The following RBFOX1 variants were observed in gnomAD, a reference collection of about 807,000 sequenced individuals.
RBFOX1 encodes the protein RNA binding fox-1 homolog 1, also known as RNA binding protein fox-1 homolog 1.
In RBFOX1, 8 loss-of-function variants were observed where a neutral mutation model predicts 57.7. The ratio of observed to expected loss-of-function variants is 0.14; its 90% CI spans 0.08 to 0.25. The LOEUF is 0.25. RBFOX1 is among the 10% of genes least tolerant of loss of function. The pLI, the probability that RBFOX1 is intolerant of heterozygous loss-of-function variation, is 1.00. For missense variants in RBFOX1, 611 were observed against 548.5 expected, an observed-to-expected ratio of 1.11 and a Z score of -1.14; for synonymous variants, 326 against 222.4, an observed-to-expected ratio of 1.47 and a Z score of -4.15.
intron 1 of RBFOX1, among the ~76,000 whole-genome samples, chr16:6,217,046 T>G (rs1208319005): frequency 6.6e-6 from 1 of 152,172 alleles, no homozygotes; most frequent in Non-Finnish European, 1.5e-5. Flanking sequence ...AGGTAACCTG[T>G]TCTGACATAT....
In RBFOX1 at chr16:5,316,769, A is replaced by G. The variant is rs373569402; in HGVS notation, c.219+76664A>G. On this transcript the variant is annotated intron_variant, in intron 1 of 2. Coordinates refer to the RBFOX1 transcript ENST00000585867. ...CTCTCTTCTGCTGAAAGGGAAACCC[A>G]GGTGGTTTGGCATTCACTTAGGATA... is the stretch of plus-strand genomic sequence containing the variant. 6.0e-4 allele frequency among the ~76,000 whole-genome samples: 91 copies of G among 152,356 alleles called. 2 individuals are homozygous for G. In the South Asian group the frequency reaches 6.4e-3, roughly 11 times the overall value.
chr16:6,100,609 A>G (rs887798906), intron 1 of RBFOX1, among the ~76,000 whole-genome samples: 8 of 152,332 alleles, frequency 5.3e-5, no homozygotes, highest in African/African-American at 1.9e-4. Context: ...TTGTCACATA[A>G]TAACGAATAT....
chr16:5,896,446 T>G (rs1269786176), intron 4 of RBFOX1, among the ~76,000 whole-genome samples: 2 of 142,112 alleles, frequency 1.4e-5, no homozygotes, highest in African/African-American at 2.5e-5. Flanking sequence ...GCGCTCCCCC[T>G]GTTTTGCTTC....
intron 3 of RBFOX1, among the ~76,000 whole-genome samples, chr16:6,849,829 T>A (rs1175957297): frequency 6.6e-6 from 1 of 152,170 alleles, no homozygotes; most frequent in Non-Finnish European, 1.5e-5. Flanking sequence ...TCTCCCTCTT[T>A]TCTTTGTCCG....
intron 1 of RBFOX1, chr16:6,093,026 C>T (rs1169689177): frequency 6.6e-6 from 1 of 152,136 alleles, no homozygotes; most frequent in Non-Finnish European, 1.5e-5. Context: ...TGCAATTTAC[C>T]TGTATGACAA....
chr16:6,495,604 C>G (rs1294319948), intron 2 of RBFOX1, among the ~76,000 whole-genome samples: 2 of 152,214 alleles, frequency 1.3e-5, no homozygotes, highest in African/African-American at 4.8e-5. Flanking sequence ...TTCATCAGCC[C>G]TTAGCTCACA....
intron 1 of RBFOX1, among the ~76,000 whole-genome samples, chr16:6,201,683 A>G (rs995955830): frequency 3.3e-5 from 5 of 152,212 alleles, no homozygotes; most frequent in African/African-American, 1.2e-4. Context: ...GAATGTTCCT[A>G]ACACAAAGAA....
intron 3 of RBFOX1, among the ~76,000 whole-genome samples, chr16:6,768,529 A>G (rs150412804): frequency 1.4e-3 from 208 of 152,114 alleles, no homozygotes; most frequent in African/African-American, 4.8e-3. Flanking sequence ...TCTATTTTCT[A>G]TACATTGACA....
chr16:6,057,698 G>C (rs530828744), intron 1 of RBFOX1, among the ~76,000 whole-genome samples: 1 of 152,112 alleles, frequency 6.6e-6, no homozygotes, highest in Non-Finnish European at 1.5e-5. Context: ...AATGCTTGAA[G>C]ATGTTGGTGT....
At position 7,416,410 on chromosome 16, in the gene RBFOX1, T is replaced by C. The variant is rs188632597; in HGVS notation, c.28-101737T>C. On this transcript the variant is annotated intron_variant, in intron 4 of 15. Transcript: ENST00000550418. Reference sequence around the variant, plus strand: ...TTCTTCTCTCTCATGCTTACTGATATGATTGAGTGCCTGGGAGTCACCCCC... The same window carrying C: ...TTCTTCTCTCTCATGCTTACTGATACGATTGAGTGCCTGGGAGTCACCCCC... Among the ~76,000 whole-genome samples the C allele has an allele frequency of 1.1e-4, 17 of 152,280 alleles. No individual in the cohort carries two copies. In the East Asian group the frequency reaches 1.2e-3, roughly 10 times the overall value.
chr16:7,525,646 C>G (rs1165182634), intron 5 of RBFOX1, among the ~76,000 whole-genome samples: 1 of 152,174 alleles, frequency 6.6e-6, no homozygotes, highest in Non-Finnish European at 1.5e-5. Flanking sequence ...CTTTCCCCCT[C>G]TCTGACAAAA....
intron 3 of RBFOX1, among the ~76,000 whole-genome samples, chr16:6,783,024 A>G (rs1185559618): frequency 2.0e-5 from 3 of 152,068 alleles, no homozygotes; most frequent in Non-Finnish European, 4.4e-5. Context: ...GTCTTGAAAT[A>G]TATTTTATCT....
intron 1 of RBFOX1, among the ~76,000 whole-genome samples, chr16:5,246,345 C>G (rs1244209867): frequency 6.6e-6 from 1 of 152,124 alleles, no homozygotes; most frequent in South Asian, 2.1e-4. Context: ...ATTGAATTGA[C>G]AAAAAGTATG....
At chr16:5,499,001 T>C (rs1235329007) in intron 2 of RBFOX1, among the ~76,000 whole-genome samples, 1 of 152,178 alleles carries the variant, frequency 6.6e-6, no homozygotes, top group African/African-American at 2.4e-5. Context: ...CCCCAGCCTC[T>C]AGGAATTCTG....
intron 3 of RBFOX1, among the ~76,000 whole-genome samples, chr16:6,713,366 T>A (rs569582477): frequency 6.6e-6 from 1 of 152,024 alleles, no homozygotes; most frequent in Non-Finnish European, 1.5e-5. Flanking sequence ...AACCTCCACA[T>A]CCCCATCTCT....
chr16:7,191,908 C>T (rs1358920435), intron 4 of RBFOX1, among the ~76,000 whole-genome samples: 2 of 152,184 alleles, frequency 1.3e-5, no homozygotes, highest in African/African-American at 4.8e-5. Flanking sequence ...AATGCAAATT[C>T]TATAATAGGA....
chr16:5,798,250 T>C lies in RBFOX1; in HGVS notation c.319-69053T>C, dbSNP rs111692128. On this transcript the variant is annotated intron_variant, in intron 3 of 19. Coordinates refer to the RBFOX1 transcript ENST00000641259. ...TTTTTATGAGTATTATTGTCATTAG[T>C]AATATTCTAAATGAGACCCATTTTT... Among the ~76,000 whole-genome samples the C allele has an allele frequency of 1.8e-4, 28 of 152,344 alleles. 1 individual carries two copies. The highest frequency in any genetic ancestry group is 6.3e-4 in the African/African-American group (26 of 41,588).
chr16:6,719,540 A>G (rs2065521866), intron 3 of RBFOX1, among the ~76,000 whole-genome samples: 1 of 151,432 alleles, frequency 6.6e-6, no homozygotes, highest in Admixed American at 6.6e-5. Context: ...TCCTGGGTTC[A>G]TGCCATTCTT....
chr16:5,475,561 G>C (rs1303458455), intron 2 of RBFOX1, among the ~76,000 whole-genome samples: 2 of 152,226 alleles, frequency 1.3e-5, no homozygotes, highest in South Asian at 2.1e-4. Flanking sequence ...TTATAATTTT[G>C]ACATAGGTAT....
Sources: allele counts gnomAD v4.1 joint callset (sites outside exome capture counted in the v4.1 genomes callset), GRCh38; gene constraint gnomAD v4.1.1; transcripts MANE v1.5; gene names NCBI Gene and HGNC (gene_info 2026-07-23, HGNC 2026-07-21).